Variants in CCDC13 observed in about 807,000 individuals in gnomAD.
CCDC13 encodes the protein coiled-coil domain containing 13, also known as coiled-coil domain-containing protein 13.
A neutral mutation model predicts 87.3 loss-of-function variants in CCDC13; 70 were observed. The ratio of observed to expected loss-of-function variants is 0.80; its 90% CI spans 0.66 to 0.98. CCDC13 has a LOEUF of 0.98. Ranked by LOEUF, CCDC13 falls within the 50% of genes least tolerant of loss-of-function variation. The pLI is 0.00. For missense variants in CCDC13, 842 were observed against 892.0 expected (o/e 0.94, Z 0.71); for synonymous variants, 317 against 360.3 (o/e 0.88, Z 1.36).
chr3:42,705,726 G>A (rs141047263), downstream of CCDC13, among the ~76,000 whole-genome samples: 1 of 152,316 alleles, frequency 6.6e-6, no homozygotes, highest in East Asian at 1.9e-4. Flanking sequence ...GACAGATGGT[G>A]CTACCCAGGA....
intron 1 of CCDC13, 85 bp downstream of exon 1, chr3:42,773,074 CGCGCTCGGGCTGGGGTT>C (rs1245837992): frequency 2.0e-5 from 3 of 152,230 alleles, no homozygotes; most frequent in Non-Finnish European, 4.4e-5. Context: ...CCAGTGGCAG[CGCGCTCGGGCTGGGGTT>C]GCGCTCGGGC....
intron 13 of CCDC13, among the ~76,000 whole-genome samples, chr3:42,715,276 T>C (rs1278923082): frequency 6.7e-6 from 1 of 150,008 alleles, no homozygotes; most frequent in African/African-American, 2.5e-5. Flanking sequence ...GCCATTGTAC[T>C]CCAGCCTGGG....
intron 1 of CCDC13, among the ~76,000 whole-genome samples, chr3:42,763,224 T>C (rs529924081): frequency 2.6e-5 from 4 of 152,384 alleles, no homozygotes; most frequent in African/African-American, 7.2e-5. Context: ...TGAAACTCTG[T>C]GACTGGTACA....
At chr3:42,727,636 G>A (rs1259648407) in intron 13 of CCDC13, among the ~76,000 whole-genome samples, 3 of 152,092 alleles carry the variant, frequency 2.0e-5, no homozygotes, top group Non-Finnish European at 2.9e-5. Context: ...AAAAGAATGT[G>A]GAAGAGAAAT....
intron 7 of CCDC13, chr3:42,744,804 C>CAAAAAAA (rs56234512): frequency 2.1e-5 from 1 of 47,522 alleles, no homozygotes; most frequent in Non-Finnish European, 3.9e-5. Flanking sequence ...GACTCCGTCT[C>CAAAAAAA]AAAAAAAAAA....
rs775586930 is a variant in CCDC13, at chr3:42,713,159, T to C, written c.1873+3A>G. ...GCACTGAGACTACTGCCCTGGCCCC[T>C]ACCTGTTTTGGTCCTGGGAGCTGCT... On this transcript the variant is annotated splice_donor_region_variant and intron_variant, in intron 14 of 15. Coordinates refer to ENST00000310232, the MANE Select transcript of CCDC13 (RefSeq NM_144719.4). The C allele has an allele frequency of 7.4e-6, 12 of 1,613,512 alleles. No individual in the cohort carries two copies. The African/African-American group carries it at 1.2e-4, about 16-fold the overall frequency.
At chr3:42,728,831 C>T (rs1559642521) in intron 13 of CCDC13, among the ~76,000 whole-genome samples, 1 of 152,080 alleles carries the variant, frequency 6.6e-6, no homozygotes, top group Non-Finnish European at 1.5e-5. Context: ...CCCAAGGACC[C>T]AAAAAGGGCC....
chr3:42,742,225 G>A (rs1699243933), intron 8 of CCDC13, among the ~76,000 whole-genome samples: 1 of 152,326 alleles, frequency 6.6e-6, no homozygotes, highest in African/African-American at 2.4e-5. Context: ...ACCCAGGCTA[G>A]ACCAAAGACA....
At chr3:42,704,440 A>G (rs1698122450), downstream of CCDC13, 1 of 152,312 alleles carries the variant, frequency 6.6e-6, no homozygotes, top group South Asian at 2.1e-4. Context: ...TAAAATGGGC[A>G]TACCGCTGGC....
intron 1 of CCDC13, among the ~76,000 whole-genome samples, chr3:42,765,805 A>G (rs1027065039): frequency 3.3e-5 from 5 of 152,122 alleles, no homozygotes; most frequent in African/African-American, 1.2e-4. Flanking sequence ...AGAGAATGTG[A>G]TGAGTGTGGG....
intron 13 of CCDC13, among the ~76,000 whole-genome samples, 195 bp downstream of exon 13, chr3:42,730,272 T>A (rs1187022466): frequency 1.3e-5 from 2 of 152,036 alleles, no homozygotes; most frequent in Non-Finnish European, 2.9e-5. Flanking sequence ...AGAATGGGGC[T>A]GTTCCTAAGG....
chr3:42,754,890 G>A (rs1559659044), intron 3 of CCDC13, among the ~76,000 whole-genome samples: 2 of 152,088 alleles, frequency 1.3e-5, no homozygotes, highest in African/African-American at 4.8e-5. Flanking sequence ...TGTTGAAGCT[G>A]CAACCCCTTG....
intron 12 of CCDC13, 85 bp downstream of exon 12, chr3:42,732,802 C>G (rs773255739): frequency 4.6e-5 from 57 of 1,233,518 alleles, no homozygotes; most frequent in Non-Finnish European, 6.2e-5. Flanking sequence ...CCTCAGTTTC[C>G]CCTCCTTTTA....
At chr3:42,768,762 C>A (rs1699986223) in intron 1 of CCDC13, among the ~76,000 whole-genome samples, 1 of 151,984 alleles carries the variant, frequency 6.6e-6, no homozygotes, top group Non-Finnish European at 1.5e-5. Flanking sequence ...AGAAAACCTG[C>A]CAGACACATA....
intron 3 of CCDC13, among the ~76,000 whole-genome samples, 182 bp from the exon 4 acceptor site, chr3:42,752,899 G>A (rs1699621328): frequency 1.3e-5 from 2 of 152,310 alleles, no homozygotes; most frequent in East Asian, 3.9e-4. Context: ...ACTCCAATGA[G>A]TGGAAATGCA....
At chr3:42,737,668 T>C (rs1699074016) in intron 9 of CCDC13, among the ~76,000 whole-genome samples, 1 of 152,248 alleles carries the variant, frequency 6.6e-6, no homozygotes, top group South Asian at 2.1e-4. Context: ...TGGCCAGTGA[T>C]GATGAGCATT....
At chr3:42,771,343 G>C (rs1421856315) in intron 1 of CCDC13, among the ~76,000 whole-genome samples, 1 of 152,088 alleles carries the variant, frequency 6.6e-6, no homozygotes, top group African/African-American at 2.4e-5. Context: ...TGGTGGGAAG[G>C]AACAATGAAC....
At chr3:42,771,173 A>T (rs969754618) in intron 1 of CCDC13, 3 of 152,244 alleles carry the variant, frequency 2.0e-5, no homozygotes, top group African/African-American at 7.2e-5. Context: ...AAAGAAACCT[A>T]AATGTGTATT....
chr3:42,749,038 T>C (rs1017220657), intron 5 of CCDC13, among the ~76,000 whole-genome samples: 1 of 152,152 alleles, frequency 6.6e-6, no homozygotes, highest in Non-Finnish European at 1.5e-5. Context: ...GGATTACAGA[T>C]GTGAGCCACC....
Sources: gnomAD v4.1 joint callset for allele counts (sites outside exome capture counted in the v4.1 genomes callset) on GRCh38, gnomAD v4.1.1 for gene constraint, MANE v1.5 for transcripts, NCBI Gene and HGNC (gene_info 2026-07-23, HGNC 2026-07-21) for gene names.